FSTL4: variants seen among roughly 807,000 people sequenced by gnomAD.
The protein encoded by FSTL4 is follistatin like 4.
Under a neutral mutation model 78.2 loss-of-function variants are expected in FSTL4, and 28 were observed. That is an observed-to-expected ratio of 0.36 (90% CI 0.27 to 0.49). The LOEUF (loss-of-function observed/expected upper bound fraction) is 0.49. FSTL4 is among the 20% of genes least tolerant of loss of function. The pLI, the probability that FSTL4 is intolerant of heterozygous loss-of-function variation, is 0.98. For missense variants in FSTL4, 922 were observed against 1,084.9 expected, an observed-to-expected ratio of 0.85 and a Z score of 2.11; for synonymous variants, 422 against 440.5, an observed-to-expected ratio of 0.96 and a Z score of 0.53.
intron 3 of FSTL4, among the ~76,000 whole-genome samples, chr5:133,496,089 A>G (rs1267874151): frequency 1.3e-5 from 2 of 152,198 alleles, no homozygotes; most frequent in Non-Finnish European, 2.9e-5. Context: ...TGCAGCACAT[A>G]ACCTGAGATT....
intron 6 of FSTL4, among the ~76,000 whole-genome samples, chr5:133,278,983 C>A (rs920369420): frequency 6.6e-6 from 1 of 152,246 alleles, no homozygotes; most frequent in African/African-American, 2.4e-5. Flanking sequence ...GCCCGCCCTG[C>A]ACTGGGAGGC....
At chr5:133,679,002 A>AC in the FSTL4 span, among the ~76,000 whole-genome samples, 1 of 152,134 alleles carries the variant, frequency 6.6e-6, no homozygotes, top group Admixed American at 6.5e-5. Context: ...GAGGTATAAA[A>AC]ATCTGCTCAG....
chr5:133,271,588 CTTAA>C (rs1282936465), intron 6 of FSTL4, among the ~76,000 whole-genome samples: 1 of 152,144 alleles, frequency 6.6e-6, no homozygotes, highest in Non-Finnish European at 1.5e-5. Context: ...GAATTTTAGC[CTTAA>C]TGAGATACCA....
At chr5:133,332,835 G>A (rs1025639051) in intron 4 of FSTL4, among the ~76,000 whole-genome samples, 111 of 152,282 alleles carry the variant, frequency 7.3e-4, no homozygotes, top group African/African-American at 2.6e-3. Flanking sequence ...TTTTTACCAC[G>A]AATGGTGCTC....
chr5:133,653,391 T>C, the FSTL4 span, among the ~76,000 whole-genome samples: 4 of 152,128 alleles, frequency 2.6e-5, no homozygotes, highest in Admixed American at 6.5e-5. Context: ...GAGGCCTCCA[T>C]AGAATCCTAA....
At chr5:133,446,129 T>G (rs368364270) in intron 3 of FSTL4, among the ~76,000 whole-genome samples, 8 of 152,274 alleles carry the variant, frequency 5.3e-5, no homozygotes, top group African/African-American at 1.9e-4. Context: ...CAGAGCTATT[T>G]GAGCCCCACC....
intron 3 of FSTL4, among the ~76,000 whole-genome samples, chr5:133,419,003 T>G (rs1361751165): frequency 1.3e-5 from 2 of 152,262 alleles, no homozygotes; most frequent in Admixed American, 1.3e-4. Flanking sequence ...GTAGATGCTC[T>G]TGTTTTGTGT....
chr5:133,787,871 C>T, the FSTL4 span, among the ~76,000 whole-genome samples: 1 of 152,222 alleles, frequency 6.6e-6, no homozygotes, highest in African/African-American at 2.4e-5. Context: ...GCCAATCTCA[C>T]GCCTGCTGGC....
chr5:133,605,941 C>T (rs1256303511), intron 1 of FSTL4, among the ~76,000 whole-genome samples: 6 of 152,114 alleles, frequency 3.9e-5, no homozygotes, highest in Admixed American at 2.6e-4. Flanking sequence ...AGCTGCCACC[C>T]GGGAGAGGAC....
chr5:133,744,635 C>T, the FSTL4 span, among the ~76,000 whole-genome samples: 1 of 152,154 alleles, frequency 6.6e-6, no homozygotes. Context: ...AATATTACAC[C>T]ACCCAGGACA....
At chr5:133,758,651 C>T in the FSTL4 span, among the ~76,000 whole-genome samples, 1 of 152,180 alleles carries the variant, frequency 6.6e-6, no homozygotes. Flanking sequence ...TAGGAAAAGA[C>T]AAATACTCTG....
chr5:133,512,753 G>A (rs1758761065), intron 3 of FSTL4, among the ~76,000 whole-genome samples: 1 of 152,166 alleles, frequency 6.6e-6, no homozygotes, highest in Non-Finnish European at 1.5e-5. Flanking sequence ...TGCTGCAGTA[G>A]CCTTAGTTGC....
chr5:133,711,356 G>A, the FSTL4 span, among the ~76,000 whole-genome samples: 50 of 152,328 alleles, frequency 3.3e-4, no homozygotes, highest in East Asian at 9.5e-3. Context: ...TGACTCAGGA[G>A]CCTGCAGTAC....
intron 6 of FSTL4, among the ~76,000 whole-genome samples, chr5:133,280,720 AGTAAAGACC>A (rs1462096516): frequency 6.6e-6 from 1 of 152,198 alleles, no homozygotes; most frequent in Admixed American, 6.5e-5. Flanking sequence ...CTGAACACAG[AGTAAAGACC>A]ACCCTCCTTC....
intron 4 of FSTL4, among the ~76,000 whole-genome samples, chr5:133,353,091 C>G (rs1025105317): frequency 1.3e-5 from 2 of 152,124 alleles, no homozygotes; most frequent in African/African-American, 4.8e-5. Flanking sequence ...TTAAAATATC[C>G]TACTTGTGCA....
chr5:133,719,978 C>T, the FSTL4 span, among the ~76,000 whole-genome samples: 1 of 152,126 alleles, frequency 6.6e-6, no homozygotes, highest in African/African-American at 2.4e-5. Flanking sequence ...CATGAATATC[C>T]ATATTCAAGC....
rs370644743 is a variant in FSTL4, at chr5:133,421,081, T to A, written c.161-20095A>T. Reference sequence around the variant, plus strand: ...AACCTTGAACAGTGACCTGGTCACATTGAGGGAGGGAGCATTCTGCCATTG... The same window carrying A: ...AACCTTGAACAGTGACCTGGTCACAATGAGGGAGGGAGCATTCTGCCATTG... On this transcript the variant is annotated intron_variant, in intron 3 of 15. Transcript: ENST00000265342. 1.3e-3 allele frequency among the ~76,000 whole-genome samples: 196 copies of A among 152,264 alleles called. 1 individual carries two copies. The highest frequency in any genetic ancestry group is 4.6e-3 in the African/African-American group (192 of 41,538).
At chr5:133,252,344 C>T (rs1304630570) in intron 6 of FSTL4, 1 of 152,168 alleles carries the variant, frequency 6.6e-6, no homozygotes, top group Non-Finnish European at 1.5e-5. Context: ...TTCCCCTGGG[C>T]CCTAGAGATC....
chr5:133,692,415 G>A, the FSTL4 span, among the ~76,000 whole-genome samples: 5 of 152,186 alleles, frequency 3.3e-5, no homozygotes, highest in South Asian at 2.1e-4. Context: ...TCTCCCTCAC[G>A]AAGATCCCTC....
Sources: gnomAD v4.1 joint callset for allele counts (sites outside exome capture counted in the v4.1 genomes callset) on GRCh38, gnomAD v4.1.1 for gene constraint, MANE v1.5 for transcripts, NCBI Gene and HGNC (gene_info 2026-07-23, HGNC 2026-07-21) for gene names.